The following LRBA variants were observed in gnomAD, a reference collection of about 807,000 sequenced individuals.
LRBA encodes the protein LPS responsive beige-like anchor protein, also known as lipopolysaccharide-responsive and beige-like anchor protein.
LRBA carries 176 observed loss-of-function variants against 330.0 expected under a neutral mutation model. The observed-to-expected ratio is 0.53, with a 90% CI of 0.47 to 0.60. The LOEUF (loss-of-function observed/expected upper bound fraction) is 0.60, where lower values mean the gene tolerates loss of function less well. Ranked by LOEUF, LRBA falls within the 20% of genes least tolerant of loss-of-function variation. The pLI, the probability that LRBA is intolerant of heterozygous loss-of-function variation, is 0.00. For synonymous variants in LRBA, 1,230 were observed against 1,193.0 expected, an observed-to-expected ratio of 1.03 and a Z score of -0.64; for missense variants, 3,259 against 3,444.8, an observed-to-expected ratio of 0.95 and a Z score of 1.35.
At chr4:150,391,747 C>T (rs1743969669) in intron 47 of LRBA, among the ~76,000 whole-genome samples, 1 of 151,978 alleles carries the variant, frequency 6.6e-6, no homozygotes, top group African/African-American at 2.4e-5. Context: ...ATACCATGTG[C>T]CAGGTAATGT....
At chr4:150,417,569 T>A (rs931669747) in intron 46 of LRBA, among the ~76,000 whole-genome samples, 3 of 152,110 alleles carry the variant, frequency 2.0e-5, no homozygotes, top group Non-Finnish European at 4.4e-5. Context: ...CAATTCACAC[T>A]CTATCATGAT....
chr4:150,768,778 G>T (rs187242580), intron 34 of LRBA, among the ~76,000 whole-genome samples: 1 of 151,900 alleles, frequency 6.6e-6, no homozygotes, highest in Admixed American at 6.6e-5. Flanking sequence ...CAAACAGGCA[G>T]AGGAGAAAAA....
intron 34 of LRBA, among the ~76,000 whole-genome samples, chr4:150,766,013 T>C (rs1443033778): frequency 1.3e-5 from 2 of 152,054 alleles, no homozygotes; most frequent in Non-Finnish European, 2.9e-5. Flanking sequence ...AAGGTACATA[T>C]ATAATTGAAG....
intron 46 of LRBA, among the ~76,000 whole-genome samples, chr4:150,434,891 C>T (rs569202750): frequency 2.4e-4 from 37 of 151,846 alleles, no homozygotes; most frequent in African/African-American, 8.7e-4. Context: ...AATCCCATTA[C>T]GCATGGTGCC....
chr4:150,706,906 A>G (rs1785683342), intron 36 of LRBA, among the ~76,000 whole-genome samples: 2 of 151,788 alleles, frequency 1.3e-5, no homozygotes, highest in South Asian at 4.1e-4. Flanking sequence ...ACTACCATAT[A>G]TAACCTATGC....
At chr4:150,576,470 A>T (rs1271019119) in intron 40 of LRBA, among the ~76,000 whole-genome samples, 2 of 151,960 alleles carry the variant, frequency 1.3e-5, no homozygotes, top group South Asian at 4.1e-4. Context: ...GCGCAATAAT[A>T]TAATGGCATT....
intron 2 of LRBA, chr4:150,970,560 C>CGT (rs1561074259): frequency 0.093 from 2,014 of 21,696 alleles, 15 homozygotes; most frequent in Non-Finnish European, 0.14. Flanking sequence ...TGTGTGTACA[C>CGT]ACACACACAC....
intron 30 of LRBA, among the ~76,000 whole-genome samples, chr4:150,826,962 C>A (rs1746366812): frequency 6.6e-6 from 1 of 152,188 alleles, no homozygotes; most frequent in Non-Finnish European, 1.5e-5. Context: ...TTGTGCATGA[C>A]TCCACAGGAT....
At chr4:150,508,123 G>C (rs1761349456) in intron 40 of LRBA, among the ~76,000 whole-genome samples, 1 of 148,550 alleles carries the variant, frequency 6.7e-6, no homozygotes, top group African/African-American at 2.5e-5. Context: ...TATACCTAAT[G>C]CTAAATGACG....
chr4:150,727,315 C>T (rs1729837011), intron 36 of LRBA, among the ~76,000 whole-genome samples: 1 of 152,008 alleles, frequency 6.6e-6, no homozygotes, highest in African/African-American at 2.4e-5. Flanking sequence ...CTCAGGTGAT[C>T]CACCTGCCTC....
rs1734022998 is a variant in LRBA at position 150,927,591 on chromosome 4, C to T, written c.549+925G>A. Among the ~76,000 whole-genome samples the T allele has an allele frequency of 1.3e-5, 2 of 151,828 alleles. 1 individual carries two copies. Among genetic ancestry groups the T allele is most frequent in the South Asian group, 4.2e-4 (2 of 4,810 alleles). ...TCTAATATATCTGTAATTGGAGTCC[C>T]AGAAAAGACAGGAAGCGGGGACAAG... On this transcript the variant is annotated intron_variant, in intron 4 of 56. Coordinates refer to ENST00000651943, the MANE Select transcript of LRBA (RefSeq NM_001364905.1).
intron 4 of LRBA, among the ~76,000 whole-genome samples, chr4:150,921,696 G>A (rs772983505): frequency 6.6e-6 from 1 of 151,990 alleles, no homozygotes; most frequent in Non-Finnish European, 1.5e-5. Context: ...CTGAGTAGCT[G>A]GGATTACAGG....
chr4:150,750,078 T>C (rs17027065), intron 35 of LRBA, among the ~76,000 whole-genome samples: 2 of 152,136 alleles, frequency 1.3e-5, no homozygotes, highest in African/African-American at 2.4e-5. Context: ...CTACTTCTCT[T>C]CATTCAAACT....
intron 34 of LRBA, among the ~76,000 whole-genome samples, chr4:150,773,360 C>A (rs562846759): frequency 3.3e-5 from 5 of 152,260 alleles, no homozygotes; most frequent in South Asian, 2.1e-4. Flanking sequence ...TCCTTATTGA[C>A]AAGTATGGAG....
At position 150,581,710 on chromosome 4, in the gene LRBA, C is replaced by T. The variant is rs148264855; in HGVS notation, c.6330+6338G>A. ...GTAAAATGTGTGCAAGCATTTGACT[C>T]CCATTATCTCCTCCTATTTTCTTAC... On this transcript the variant is annotated intron_variant, in intron 40 of 56. Coordinates refer to ENST00000651943, the MANE Select transcript of LRBA (RefSeq NM_001364905.1). The T allele has an allele frequency of 5.7e-3, 871 of 152,846 alleles. 4 individuals are homozygous for T. The highest frequency in any genetic ancestry group is 8.5e-3 in the Non-Finnish European group (584 of 68,544). The allele number at this position is 152,846 out of a possible 1,614,324, so 9.5% of individuals were successfully genotyped here. A position where few individuals can be genotyped will look rare whatever the true frequency, so the allele number is the denominator to read the frequency against.
At chr4:150,739,975 A>G (rs1267098998) in intron 35 of LRBA, among the ~76,000 whole-genome samples, 1 of 152,226 alleles carries the variant, frequency 6.6e-6, no homozygotes, top group Non-Finnish European at 1.5e-5. Flanking sequence ...ATTCCTGACC[A>G]AGAAAAATTG....
chr4:150,905,289 G>A (rs531002431), intron 13 of LRBA, among the ~76,000 whole-genome samples: 2 of 151,994 alleles, frequency 1.3e-5, no homozygotes, highest in South Asian at 4.2e-4. Flanking sequence ...CAAAGAAAAA[G>A]TGACATTTCA....
intron 2 of LRBA, among the ~76,000 whole-genome samples, chr4:150,982,616 A>C (rs541788430): frequency 3.2e-4 from 48 of 150,044 alleles, no homozygotes; most frequent in Admixed American, 1.7e-3. Flanking sequence ...AAAAAAAAAA[A>C]CACCCATAGA....
intron 36 of LRBA, among the ~76,000 whole-genome samples, chr4:150,704,979 T>A (rs1046177809): frequency 2.6e-5 from 4 of 152,198 alleles, no homozygotes; most frequent in African/African-American, 9.6e-5. Context: ...TACCGAGTAA[T>A]GTAATAATTG....
Sources: gnomAD v4.1 joint callset for allele counts (sites outside exome capture counted in the v4.1 genomes callset) on GRCh38, gnomAD v4.1.1 for gene constraint, MANE v1.5 for transcripts, NCBI Gene and HGNC (gene_info 2026-07-23, HGNC 2026-07-21) for gene names.